Variants in GALNT17 observed in about 807,000 individuals in gnomAD.
The protein encoded by GALNT17 is UDP-GalNAc:polypeptide N-acetylgalactosaminyltransferase-like 3.
In GALNT17, 29 loss-of-function variants were observed where a neutral mutation model predicts 63.7. That is an observed-to-expected ratio of 0.46 (90% CI 0.34 to 0.62). The LOEUF is 0.62. Among genes scored for constraint, GALNT17 ranks in the 20% least tolerant of loss-of-function variants. The pLI is 0.01. For synonymous variants in GALNT17, 305 were observed against 318.3 expected, an observed-to-expected ratio of 0.96 and a Z score of 0.45; for missense variants, 603 against 799.6, an observed-to-expected ratio of 0.75 and a Z score of 2.97.
chr7:71,437,298 C>A (rs1563092446), intron 5 of GALNT17, among the ~76,000 whole-genome samples: 1 of 152,214 alleles, frequency 6.6e-6, no homozygotes, highest in Non-Finnish European at 1.5e-5. Flanking sequence ...CAAAACTCCC[C>A]AGCCTTCCAA....
chr7:71,153,994 G>C (rs1585842856), intron 1 of GALNT17, among the ~76,000 whole-genome samples: 1 of 152,056 alleles, frequency 6.6e-6, no homozygotes, highest in Admixed American at 6.6e-5. Context: ...CCCATCAAAC[G>C]GTAGAGTTTA....
intron 3 of GALNT17, among the ~76,000 whole-genome samples, chr7:71,404,453 GA>G: frequency 6.6e-6 from 1 of 152,200 alleles, no homozygotes; most frequent in South Asian, 2.1e-4. Flanking sequence ...CATTCTTCCT[GA>G]AGTTTCTCAC....
intron 3 of GALNT17, among the ~76,000 whole-genome samples, chr7:71,391,247 T>A (rs1225411323): frequency 6.6e-6 from 1 of 152,124 alleles, no homozygotes; most frequent in Admixed American, 6.5e-5. Flanking sequence ...CAGATCGGGC[T>A]GGATTGGGGT....
At chr7:71,407,961 G>T (rs1020305569) in intron 3 of GALNT17, among the ~76,000 whole-genome samples, 3 of 152,116 alleles carry the variant, frequency 2.0e-5, no homozygotes, top group Non-Finnish European at 2.9e-5. Flanking sequence ...TATGTTTGGG[G>T]TGATGAAAAA....
chr7:71,558,897 A>G (rs955671414), intron 5 of GALNT17, among the ~76,000 whole-genome samples: 3 of 152,214 alleles, frequency 2.0e-5, no homozygotes, highest in Non-Finnish European at 2.9e-5. Context: ...AACTTCAGTC[A>G]CCACTGGCGT....
chr7:71,377,489 C>A (rs1283505477), intron 2 of GALNT17, among the ~76,000 whole-genome samples: 1 of 152,144 alleles, frequency 6.6e-6, no homozygotes, highest in African/African-American at 2.4e-5. Flanking sequence ...GAGACTCACA[C>A]TGACAGTGAT....
At chr7:71,385,304 C>T (rs1001098324) in intron 2 of GALNT17, among the ~76,000 whole-genome samples, 33 of 152,254 alleles carry the variant, frequency 2.2e-4, no homozygotes, top group African/African-American at 7.7e-4. Flanking sequence ...CTGCCCAGCC[C>T]GGCAGTCATC....
chr7:71,191,352 C>T (rs1161769577), intron 1 of GALNT17, among the ~76,000 whole-genome samples: 2 of 123,780 alleles, frequency 1.6e-5, no homozygotes, highest in Non-Finnish European at 3.2e-5. Flanking sequence ...TTTCACTCAG[C>T]ATTTTTTTTT....
At chr7:71,286,358 A>T (rs1790872621) in intron 1 of GALNT17, among the ~76,000 whole-genome samples, 1 of 152,182 alleles carries the variant, frequency 6.6e-6, no homozygotes, top group Non-Finnish European at 1.5e-5. Flanking sequence ...TTTAAGTTTC[A>T]TTGAAATAGG....
At chr7:71,276,414 C>G (rs1194133577) in intron 1 of GALNT17, among the ~76,000 whole-genome samples, 1 of 152,204 alleles carries the variant, frequency 6.6e-6, no homozygotes, top group Non-Finnish European at 1.5e-5. Context: ...TGGTTTGGCT[C>G]TTTGTCCCCC....
At chr7:71,366,270 T>G (rs1792505804) in intron 2 of GALNT17, among the ~76,000 whole-genome samples, 1 of 151,996 alleles carries the variant, frequency 6.6e-6, no homozygotes, top group Non-Finnish European at 1.5e-5. Flanking sequence ...TGGGGACCTG[T>G]GATCTAGGTG....
chr7:71,539,154 A>T (rs914168606), intron 5 of GALNT17, among the ~76,000 whole-genome samples: 4 of 151,756 alleles, frequency 2.6e-5, no homozygotes, highest in African/African-American at 9.7e-5. Context: ...CTAGTCTCAA[A>T]CTCCTGACCT....
At chr7:71,669,592 C>T (rs1246155310) in intron 7 of GALNT17, among the ~76,000 whole-genome samples, 10 of 145,512 alleles carry the variant, frequency 6.9e-5, no homozygotes, top group Admixed American at 2.1e-4. Context: ...GACAAAGTCT[C>T]GCACTGTCAC....
At chr7:71,253,287 A>G (rs536530437) in intron 1 of GALNT17, among the ~76,000 whole-genome samples, 72 of 152,298 alleles carry the variant, frequency 4.7e-4, no homozygotes, top group South Asian at 6.2e-4. Context: ...CAAAAGGCAC[A>G]TCTTACATGA....
intron 6 of GALNT17, among the ~76,000 whole-genome samples, chr7:71,600,065 A>G (rs1789943432): frequency 6.6e-6 from 1 of 151,930 alleles, no homozygotes; most frequent in African/African-American, 2.4e-5. Context: ...TGGATTTAGA[A>G]CATGACTTCC....
intron 9 of GALNT17, among the ~76,000 whole-genome samples, chr7:71,702,954 AT>A (rs1237203174): frequency 6.6e-6 from 1 of 152,246 alleles, no homozygotes; most frequent in Non-Finnish European, 1.5e-5. Flanking sequence ...GGTCATCTAA[AT>A]TTAAAATGCT....
intron 5 of GALNT17, among the ~76,000 whole-genome samples, chr7:71,518,566 G>A (rs577588890): frequency 6.6e-6 from 1 of 152,188 alleles, no homozygotes; most frequent in Non-Finnish European, 1.5e-5. Flanking sequence ...AATATGGCTT[G>A]AGATTGTGAT....
intron 1 of GALNT17, among the ~76,000 whole-genome samples, chr7:71,148,669 A>T (rs1339866618): frequency 6.6e-6 from 1 of 151,972 alleles, no homozygotes; most frequent in Non-Finnish European, 1.5e-5. Context: ...GCATTCAAAC[A>T]TACATACATA....
At chr7:71,478,301 AC>A (rs1282947600) in intron 5 of GALNT17, among the ~76,000 whole-genome samples, 4 of 151,564 alleles carry the variant, frequency 2.6e-5, no homozygotes, top group Non-Finnish European at 5.9e-5. Flanking sequence ...TCTGAGCCCC[AC>A]CTTTGTTTGT....
Sources: gnomAD v4.1 joint callset for allele counts (sites outside exome capture counted in the v4.1 genomes callset) on GRCh38, gnomAD v4.1.1 for gene constraint, MANE v1.5 for transcripts, NCBI Gene and HGNC (gene_info 2026-07-23, HGNC 2026-07-21) for gene names.